Variants in MRO observed in about 807,000 individuals in gnomAD.
The protein encoded by MRO is maestro, also known as protein maestro.
MRO carries 28 observed loss-of-function variants against 31.0 expected under a neutral mutation model. The observed-to-expected ratio is 0.90, with a 90% confidence interval of 0.67 to 1.24. The LOEUF is 1.24. Ranked by LOEUF, MRO falls within the 50% of genes most tolerant of loss-of-function variation. The pLI, the probability that MRO is intolerant of heterozygous loss-of-function variation, is 0.00. For synonymous variants in MRO, 108 were observed against 108.4 expected, an observed-to-expected ratio of 1.00 and a Z score of 0.02; for missense variants, 332 against 289.2, an observed-to-expected ratio of 1.15 and a Z score of -1.07.
rs768844532 is a variant in MRO, at chr18:50,805,310, G to A, written c.273C>T (p.Leu91=). The change falls in exon 5 of 8, where the codon CTC becomes CTT. Residue 91 remains leucine, a synonymous_variant. Transcript: ENST00000398439. ...DKVRKYKKIV[L]DLLVYGLYDP... ...CATACAGTCCATACACCAGCAGGTC[G>A]AGGACAATTTTCTTATACTTTCTCA... is the stretch of plus-strand genomic sequence containing the variant. 8 of 1,613,678 alleles carry A rather than the reference G, an allele frequency of 5.0e-6. No homozygotes were observed. Among genetic ancestry groups the A allele is most frequent in the Non-Finnish European group, 5.9e-6 (7 of 1,179,912 alleles).
chr18:50,823,416 C>A (rs1915383659), upstream of MRO, among the ~76,000 whole-genome samples: 1 of 152,332 alleles, frequency 6.6e-6, no homozygotes, highest in East Asian at 1.9e-4. Flanking sequence ...ATGCAGTTCT[C>A]CAAACTCTAT....
Position 50,801,418 on chromosome 18 carries a change from G to C in MRO, c.516C>G (p.Thr172=), listed in dbSNP as rs372488836. 34 of 1,611,060 alleles carry C rather than the reference G, an allele frequency of 2.1e-5. No individual in the cohort carries two copies. The highest frequency in any genetic ancestry group is 2.9e-5 in the Non-Finnish European group (34 of 1,178,150). The change falls in exon 6 of 8, where the codon ACC becomes ACG. Residue 172 remains threonine, a synonymous_variant. Coordinates refer to ENST00000398439, the MANE Select transcript of MRO (RefSeq NM_031939.6). ...AATCTCGTGTCTGCTTAACCTGACT[G>C]GTGAAAAATTTTTTCCATTTCCTCC... is the stretch of plus-strand genomic sequence containing the variant. ...FAGRKWKKFF[T]SQVKQTRDSL...
rs769248148 is a variant in MRO, at chr18:50,819,956, C to T, written c.-186G>A. ...CTTCTCCTTGCTGTGATTTCCCCTC[C>T]TTCTTCCCTCATGCCAGCCTGGTCG... On this transcript the variant is annotated 5_prime_UTR_variant, in exon 1 of 8. Coordinates refer to ENST00000398439, the MANE Select transcript of MRO (RefSeq NM_031939.6). 4.5e-6 allele frequency: 7 copies of T among 1,551,578 alleles called. No homozygotes were observed. The highest frequency in any genetic ancestry group is 3.5e-6 in the Non-Finnish European group (4 of 1,146,932).
chr18:50,822,309 T>C (rs1424569476), upstream of MRO, among the ~76,000 whole-genome samples: 1 of 72,046 alleles, frequency 1.4e-5, no homozygotes, highest in Non-Finnish European at 3.6e-5. Context: ...TGTATTACAA[T>C]GTGTAATCAG....
At chr18:50,809,131 C>T (rs1360753395) in intron 3 of MRO, among the ~76,000 whole-genome samples, 171 bp downstream of exon 3, 2 of 107,056 alleles carry the variant, frequency 1.9e-5, no homozygotes, top group African/African-American at 3.4e-5. Flanking sequence ...GGCGACAGAG[C>T]GAGACTCCGT....
chr18:50,812,459 G>A (rs1451926535), intron 2 of MRO, among the ~76,000 whole-genome samples: 2 of 152,122 alleles, frequency 1.3e-5, no homozygotes, highest in African/African-American at 2.4e-5. Flanking sequence ...CATTCTGTGG[G>A]CTGTCTTTTC....
chr18:50,808,239 A>G (rs749403631), intron 3 of MRO, among the ~76,000 whole-genome samples: 21 of 152,156 alleles, frequency 1.4e-4, no homozygotes, highest in Non-Finnish European at 1.9e-4. Flanking sequence ...CCCAGAAGAC[A>G]GCAACATGTG....
At position 50,799,254 on chromosome 18, in the gene MRO, A is replaced by C. The variant is rs2144571470; in HGVS notation, c.*83T>G. On this transcript the variant is annotated 3_prime_UTR_variant, in exon 8 of 8. Transcript: ENST00000398439. ...CAATCCCAAGAGGCAAGCAGTGAGA[A>C]GAGGCATCCAGTGAGATAAAACAGG... The C allele has an allele frequency of 5.7e-6, 7 of 1,222,212 alleles. No individual in the cohort carries two copies. The highest frequency in any genetic ancestry group is 8.5e-6 in the Non-Finnish European group (7 of 825,710). The allele number at this position is 1,222,212 out of a possible 1,614,324, so 75.7% of individuals were successfully genotyped here.
chr18:50,819,189 T>A (rs7230816), intron 2 of MRO, among the ~76,000 whole-genome samples: 64,928 of 152,024 alleles, frequency 0.43, 13,952 homozygotes, highest in South Asian at 0.55. Flanking sequence ...CTGAAAGATA[T>A]CCTTTCAGTC....
chr18:50,802,735 T>A (rs777303022), intron 5 of MRO, among the ~76,000 whole-genome samples: 1 of 152,132 alleles, frequency 6.6e-6, no homozygotes, highest in Non-Finnish European at 1.5e-5. Context: ...TGTTTTTGTT[T>A]TTGTTTTAGA....
chr18:50,807,799 G>C (rs571234590), intron 3 of MRO, among the ~76,000 whole-genome samples: 1 of 152,330 alleles, frequency 6.6e-6, no homozygotes, highest in African/African-American at 2.4e-5. Flanking sequence ...TGTACTTTAA[G>C]AACTAAACTC....
At chr18:50,812,276 G>A (rs71357258) in intron 2 of MRO, among the ~76,000 whole-genome samples, 1 of 152,136 alleles carries the variant, frequency 6.6e-6, no homozygotes, top group Non-Finnish European at 1.5e-5. Context: ...ATGAGGCTAA[G>A]CATCTTTTCG....
upstream of MRO, among the ~76,000 whole-genome samples, chr18:50,822,397 G>C (rs187089608): frequency 6.6e-6 from 1 of 152,148 alleles, no homozygotes; most frequent in Non-Finnish European, 1.5e-5. Context: ...GGAGTGCAGT[G>C]GGGGGAACTT....
chr18:50,803,109 T>C (rs1211472355), intron 5 of MRO, among the ~76,000 whole-genome samples: 3 of 152,070 alleles, frequency 2.0e-5, no homozygotes, highest in African/African-American at 4.8e-5. Flanking sequence ...AAGAGTGCTA[T>C]CTGTAATGGA....
chr18:50,822,337 G>T (rs112484115), upstream of MRO, among the ~76,000 whole-genome samples: 7,619 of 88,990 alleles, frequency 0.086, 270 homozygotes, highest in Non-Finnish European at 0.13. Flanking sequence ...ATCTTTTTTA[G>T]TTTATTTTAT....
intron 5 of MRO, 129 bp from the exon 6 acceptor site, chr18:50,801,633 T>A (rs2255059): frequency 1.2e-6 from 1 of 861,678 alleles, no homozygotes; most frequent in South Asian, 2.0e-5. Context: ...CAGCCATCGA[T>A]CTTGACTGTA....
intron 2 of MRO, among the ~76,000 whole-genome samples, chr18:50,813,707 T>A (rs1190490476): frequency 6.6e-6 from 1 of 152,214 alleles, no homozygotes; most frequent in Non-Finnish European, 1.5e-5. Flanking sequence ...TGGAGGTCAT[T>A]ATCCTAAGCA....
upstream of MRO, chr18:50,820,133 C>G: frequency 1.6e-6 from 1 of 621,438 alleles, no homozygotes; most frequent in Non-Finnish European, 2.9e-6. Flanking sequence ...CACAAAGCCG[C>G]CGCCGTGGCT....
chr18:50,815,421 A>G (rs1599038074), intron 2 of MRO: 1 of 247,578 alleles, frequency 4.0e-6, no homozygotes. Context: ...GATAGAATGG[A>G]TTTGGAGGTG....
Sources: allele counts gnomAD v4.1 joint callset (sites outside exome capture counted in the v4.1 genomes callset), GRCh38; gene constraint gnomAD v4.1.1; transcripts MANE v1.5; gene names NCBI Gene and HGNC (gene_info 2026-07-23, HGNC 2026-07-21).